Variants in SRGAP2C observed in about 807,000 individuals in gnomAD.
The protein encoded by SRGAP2C is SLIT-ROBO Rho GTPase activating protein 2C.
Under a neutral mutation model 25.1 loss-of-function variants are expected in SRGAP2C, and 15 were observed. The ratio of observed to expected loss-of-function variants is 0.60; its 90% CI spans 0.40 to 0.92. The LOEUF is 0.92. Ranked by LOEUF, SRGAP2C falls within the 40% of genes least tolerant of loss-of-function variation. The probability of loss-of-function intolerance (pLI) is 0.00; values close to 1 mark genes in which losing one functional copy is unlikely to be tolerated. For missense variants in SRGAP2C, 144 were observed against 264.4 expected, an observed-to-expected ratio of 0.54 and a Z score of 3.16; for synonymous variants, 44 against 96.6, an observed-to-expected ratio of 0.46 and a Z score of 3.19.
At chr1:121,208,279 C>T (rs1655166094) in intron 2 of SRGAP2C, among the ~76,000 whole-genome samples, 1 of 152,034 alleles carries the variant, frequency 6.6e-6, no homozygotes, top group African/African-American at 2.4e-5. Context: ...GCTTTCTGGG[C>T]CATACTTGAA....
At chr1:121,379,269 A>G (rs1281624285) in intron 7 of SRGAP2C, among the ~76,000 whole-genome samples, 1 of 151,974 alleles carries the variant, frequency 6.6e-6, no homozygotes, top group East Asian at 1.9e-4. Context: ...CTGGGTGAAG[A>G]TATCAGCTGG....
intron 4 of SRGAP2C, among the ~76,000 whole-genome samples, chr1:121,331,199 C>G (rs1391696924): frequency 1.3e-5 from 1 of 74,364 alleles, no homozygotes; most frequent in Non-Finnish European, 2.3e-5. Flanking sequence ...ACCTTTGGAA[C>G]CTGTGAATGT....
chr1:121,238,779 ATT>A (rs587744405), intron 2 of SRGAP2C, among the ~76,000 whole-genome samples: 3 of 123,084 alleles, frequency 2.4e-5, no homozygotes, highest in African/African-American at 9.8e-5. Flanking sequence ...ACACACTGCT[ATT>A]TTTTTTTTTT....
At chr1:121,314,559 C>A (rs1553340372) in intron 3 of SRGAP2C, among the ~76,000 whole-genome samples, 29 of 151,712 alleles carry the variant, frequency 1.9e-4, no homozygotes, top group Admixed American at 4.6e-4. Flanking sequence ...TTGTGGTTTT[C>A]TCTACTTTTG....
chr1:121,264,390 TGTG>T (rs1656711735), intron 2 of SRGAP2C, among the ~76,000 whole-genome samples: 1 of 124,498 alleles, frequency 8.0e-6, no homozygotes, highest in Non-Finnish European at 1.7e-5. Flanking sequence ...ATTCCCACTC[TGTG>T]TTCACATTAA....
intron 3 of SRGAP2C, among the ~76,000 whole-genome samples, chr1:121,295,476 T>G (rs1259451395): frequency 6.6e-6 from 1 of 151,230 alleles, no homozygotes; most frequent in Non-Finnish European, 1.5e-5. Flanking sequence ...TTCTGTCCAT[T>G]TAGCAAATAT....
chr1:121,273,680 A>G (rs1288392852), intron 2 of SRGAP2C, among the ~76,000 whole-genome samples: 4 of 151,830 alleles, frequency 2.6e-5, no homozygotes, highest in Non-Finnish European at 4.4e-5. Flanking sequence ...ATGTGAAGCT[A>G]CTGCATCTCT....
At chr1:121,245,759 C>A (rs1570733874) in intron 2 of SRGAP2C, among the ~76,000 whole-genome samples, 1 of 122,862 alleles carries the variant, frequency 8.1e-6, no homozygotes, top group East Asian at 2.0e-4. Flanking sequence ...GACTCTCACA[C>A]TGGGGAGAAG....
chr1:121,383,530 A>G lies in SRGAP2C; in HGVS notation c.1056+605A>G, dbSNP rs1343004641. Among the ~76,000 whole-genome samples, 6 of 136,606 alleles carry G rather than the reference A, an allele frequency of 4.4e-5. No homozygotes were observed. The East Asian group carries it at 1.4e-3, about 32-fold the overall frequency. The allele number at this position is 136,606 out of a possible 152,430, so 89.6% of individuals were successfully genotyped here. A position where few individuals can be genotyped will look rare whatever the true frequency, so the allele number is the denominator to read the frequency against. ...AAAAGAATGGGTACCTGCAGGAAGG[A>G]AAGGAGCTAAGATGCTATCCCAAAG... On this transcript the variant is annotated intron_variant, in intron 8 of 9. Transcript: ENST00000367123.
chr1:121,283,807 T>A (rs1489670215), intron 2 of SRGAP2C, among the ~76,000 whole-genome samples: 2 of 151,866 alleles, frequency 1.3e-5, no homozygotes, highest in African/African-American at 4.8e-5. Context: ...TCAGTCTGGC[T>A]TTGGCATACT....
intron 5 of SRGAP2C, among the ~76,000 whole-genome samples, chr1:121,370,355 C>A (rs74582683): frequency 4.1e-5 from 6 of 144,798 alleles, no homozygotes; most frequent in East Asian, 4.1e-4. Flanking sequence ...AGTCCATGGA[C>A]CCTCTCTAAC....
chr1:121,362,458 C>T (rs1553348768), intron 4 of SRGAP2C, among the ~76,000 whole-genome samples: 1 of 152,068 alleles, frequency 6.6e-6, no homozygotes, highest in African/African-American at 2.4e-5. Context: ...GAAACATCTG[C>T]CTGGGCTTAA....
rs587655468 is a variant in SRGAP2C, at chr1:121,239,691, A to G, written c.68-45112A>G. On this transcript the variant is annotated intron_variant, in intron 2 of 9. Coordinates refer to ENST00000367123, the MANE Select transcript of SRGAP2C (RefSeq NM_001329984.2). ...AGTAAGAAGCACTGTGATTAATTAA[A>G]TCAGGGGTCAGCAAACTACAGCCCA... is the stretch of plus-strand genomic sequence containing the variant. Among the ~76,000 whole-genome samples the G allele has an allele frequency of 3.9e-3, 591 of 150,798 alleles. 4 individuals carry two copies. The highest frequency in any genetic ancestry group is 0.013 in the African/African-American group (545 of 41,182).
intron 3 of SRGAP2C, among the ~76,000 whole-genome samples, chr1:121,319,020 G>GC (rs1658143835): frequency 6.7e-6 from 1 of 148,310 alleles, no homozygotes; most frequent in Non-Finnish European, 1.5e-5. Flanking sequence ...CTTGGCCCTG[G>GC]CCCAGAGCCG....
chr1:121,208,647 G>A (rs1455790666), intron 2 of SRGAP2C, among the ~76,000 whole-genome samples: 5 of 151,822 alleles, frequency 3.3e-5, no homozygotes, highest in South Asian at 2.1e-4. Flanking sequence ...ACACTATTTT[G>A]CACGTATTTG....
intron 3 of SRGAP2C, among the ~76,000 whole-genome samples, chr1:121,285,404 T>TCTCACACACACACACACACA (rs1553336851): frequency 8.0e-6 from 1 of 124,492 alleles, no homozygotes; most frequent in African/African-American, 2.9e-5. Context: ...TCTCTCTCTC[T>TCTCACACACACACACACACA]CACACACACA....
intron 2 of SRGAP2C, among the ~76,000 whole-genome samples, chr1:121,211,575 G>T (rs587697172): frequency 1.9e-4 from 28 of 151,286 alleles, no homozygotes; most frequent in Admixed American, 5.9e-4. Context: ...CTCTGCTTTT[G>T]ACTTGAATTG....
intron 2 of SRGAP2C, among the ~76,000 whole-genome samples, chr1:121,221,900 T>C (rs1314732353): frequency 3.3e-5 from 5 of 152,058 alleles, no homozygotes; most frequent in Non-Finnish European, 7.4e-5. Context: ...TGTAAACTCA[T>C]GGAGCTGGCT....
chr1:121,375,968 G>A (rs1553353069), intron 7 of SRGAP2C, among the ~76,000 whole-genome samples: 1 of 150,878 alleles, frequency 6.6e-6, no homozygotes, highest in Non-Finnish European at 1.5e-5. Context: ...GCGGTTAATA[G>A]GCACATGTGT....
Sources: gnomAD v4.1 joint callset for allele counts (sites outside exome capture counted in the v4.1 genomes callset) on GRCh38, gnomAD v4.1.1 for gene constraint, MANE v1.5 for transcripts, NCBI Gene and HGNC (gene_info 2026-07-23, HGNC 2026-07-21) for gene names.